The following BACE2 variants were observed in gnomAD, a reference collection of about 807,000 sequenced individuals.
BACE2 encodes the protein beta-secretase 2.
BACE2 carries 17 observed loss-of-function variants against 46.2 expected under a neutral mutation model. That is an observed-to-expected ratio of 0.37 (90% confidence interval 0.25 to 0.55). The LOEUF (loss-of-function observed/expected upper bound fraction) is 0.55. Ranked by LOEUF, BACE2 falls within the 20% of genes least tolerant of loss-of-function variation. The pLI, the probability that BACE2 is intolerant of heterozygous loss-of-function variation, is 0.82. For synonymous variants in BACE2, 277 were observed against 295.9 expected, an observed-to-expected ratio of 0.94 and a Z score of 0.66; for missense variants, 595 against 698.1, an observed-to-expected ratio of 0.85 and a Z score of 1.66.
chr21:41,217,630 A>C (rs1241448014), intron 1 of BACE2, among the ~76,000 whole-genome samples: 1 of 151,338 alleles, frequency 6.6e-6, no homozygotes, highest in African/African-American at 2.5e-5. Flanking sequence ...GGTGCTGGAC[A>C]CGTTGTACTT....
intron 1 of BACE2, among the ~76,000 whole-genome samples, chr21:41,197,086 C>T (rs1488122998): frequency 3.3e-5 from 5 of 152,052 alleles, no homozygotes; most frequent in African/African-American, 7.3e-5. Context: ...CTCAGCCTCC[C>T]GAGTAGCTGG....
intron 6 of BACE2, among the ~76,000 whole-genome samples, chr21:41,247,662 G>A (rs903485304): frequency 8.5e-5 from 13 of 152,226 alleles, no homozygotes; most frequent in African/African-American, 3.1e-4. Flanking sequence ...GCGGGGCGGC[G>A]GGGCCGTGGG....
intron 1 of BACE2, among the ~76,000 whole-genome samples, chr21:41,209,078 G>A (rs1290227502): frequency 1.3e-5 from 2 of 152,210 alleles, no homozygotes; most frequent in African/African-American, 4.8e-5. Context: ...TCCACCCTGG[G>A]TTGCAGCCCA....
chr21:41,228,703 C>A (rs966276357), intron 2 of BACE2, among the ~76,000 whole-genome samples: 1 of 152,208 alleles, frequency 6.6e-6, no homozygotes, highest in African/African-American at 2.4e-5. Flanking sequence ...TACGCAAACA[C>A]TTTCCACCAG....
At position 41,179,699 on chromosome 21, in the gene BACE2, G is replaced by A. The variant is rs16998089; in HGVS notation, c.312+11124G>A. On this transcript the variant is annotated intron_variant, in intron 1 of 8. Coordinates refer to ENST00000330333, the MANE Select transcript of BACE2 (RefSeq NM_012105.5). ...GCCTTACAAAGAATGTGAAAACATT[G>A]TGCTTCCCTGCTTACAGGCAATTAA... is the stretch of plus-strand genomic sequence containing the variant. 0.053 allele frequency: 67,600 copies of A among 1,283,108 alleles called. 13,423 individuals carry two copies. The African/African-American group carries it at 0.62, about 12-fold the overall frequency. 79.5% of individuals were successfully genotyped at this position (1,283,108 alleles called of 1,614,324 possible).
chr21:41,236,287 C>T (rs1375649180), intron 2 of BACE2, among the ~76,000 whole-genome samples: 2 of 152,182 alleles, frequency 1.3e-5, no homozygotes, highest in Non-Finnish European at 2.9e-5. Context: ...TCACTGTCTT[C>T]ATTCAGGTCT....
chr21:41,274,147 A>T (rs926158473), intron 8 of BACE2, among the ~76,000 whole-genome samples: 1 of 151,702 alleles, frequency 6.6e-6, no homozygotes, highest in Non-Finnish European at 1.5e-5. Context: ...GGGAGTATAG[A>T]TTGACTGCAG....
intron 7 of BACE2, among the ~76,000 whole-genome samples, chr21:41,253,123 C>T (rs1987686590): frequency 2.0e-5 from 3 of 152,198 alleles, no homozygotes; most frequent in South Asian, 2.1e-4. Context: ...GCTATGTTTT[C>T]AGCATCTTTA....
At chr21:41,220,093 A>AT (rs1450431695) in intron 1 of BACE2, among the ~76,000 whole-genome samples, 1 of 152,126 alleles carries the variant, frequency 6.6e-6, no homozygotes, top group Non-Finnish European at 1.5e-5. Flanking sequence ...AATTTGCTAG[A>AT]TTTACTCACA....
intron 8 of BACE2, among the ~76,000 whole-genome samples, chr21:41,263,877 C>G (rs1477987099): frequency 6.6e-6 from 1 of 152,248 alleles, no homozygotes; most frequent in African/African-American, 2.4e-5. Flanking sequence ...TCTGACAACT[C>G]ATGACTTTTG....
intron 1 of BACE2, among the ~76,000 whole-genome samples, chr21:41,211,951 C>T (rs931643476): frequency 6.6e-6 from 1 of 152,212 alleles, no homozygotes; most frequent in South Asian, 2.1e-4. Flanking sequence ...TAGGTTTCAT[C>T]CAGGTGGCAG....
intron 8 of BACE2, 88 bp downstream of exon 8, chr21:41,257,414 C>G (rs1987821499): frequency 7.1e-7 from 1 of 1,408,152 alleles, no homozygotes; most frequent in Non-Finnish European, 9.7e-7. Flanking sequence ...GATGGCAACT[C>G]AATTACCATT....
At chr21:41,203,607 G>A (rs1464790505) in intron 1 of BACE2, among the ~76,000 whole-genome samples, 1 of 152,180 alleles carries the variant, frequency 6.6e-6, no homozygotes, top group Non-Finnish European at 1.5e-5. Flanking sequence ...TGCAGCAGCT[G>A]ATCATGCCTC....
At chr21:41,251,007 C>A in intron 7 of BACE2, 106 bp downstream of exon 7, 1 of 1,133,650 alleles carries the variant, frequency 8.8e-7, no homozygotes, top group Non-Finnish European at 1.3e-6. Flanking sequence ...TCTCTATCAC[C>A]ACAATAATGC....
rs1987825716 is a variant in BACE2, at chr21:41,257,597, T to C, written c.1303+271T>C. 3.3e-5 allele frequency among the ~76,000 whole-genome samples: 5 copies of C among 152,196 alleles called. 1 individual carries two copies. The South Asian group carries it at 1.0e-3, about 31-fold the overall frequency. On this transcript the variant is annotated intron_variant, in intron 8 of 8. Coordinates refer to ENST00000330333, the MANE Select transcript of BACE2 (RefSeq NM_012105.5). ...AGTCACTAGGAGTAAAAATATGCCG[T>C]GAAACCTTGGAGTTGAATTGCAATT...
intron 8 of BACE2, among the ~76,000 whole-genome samples, chr21:41,268,800 T>G (rs1010217180): frequency 6.7e-6 from 1 of 148,310 alleles, no homozygotes; most frequent in Admixed American, 7.2e-5. Context: ...TTTTATTGGG[T>G]TTTTTTGCAT....
chr21:41,214,930 G>C (rs186903741), intron 1 of BACE2, among the ~76,000 whole-genome samples: 3 of 152,152 alleles, frequency 2.0e-5, no homozygotes, highest in African/African-American at 4.8e-5. Flanking sequence ...GAAGAGGTAT[G>C]GGGGGAGGGC....
At position 41,176,321 on chromosome 21, in the gene BACE2, C is replaced by T. The variant is rs1291219766; in HGVS notation, c.312+7746C>T. The T allele has an allele frequency of 2.0e-5, 3 of 152,316 alleles. No homozygotes were observed. In the South Asian group the frequency reaches 6.2e-4, roughly 32 times the overall value. 9.4% of individuals were successfully genotyped at this position (152,316 alleles called of 1,614,324 possible). The stretch of plus-strand genomic sequence containing the variant: ...CAGGTCACACTTGGAGTCGTTGCTT[C>T]TTTCCCCAAACCAGCTGCCGATGGT... On this transcript the variant is annotated intron_variant, in intron 1 of 8. Coordinates refer to ENST00000330333, the MANE Select transcript of BACE2 (RefSeq NM_012105.5).
rs554499409 is a variant in BACE2, at chr21:41,278,464, T to A, written c.*2840T>A. 1 of 152,236 alleles carries A rather than the reference T, an allele frequency of 6.6e-6. No individual in the cohort carries two copies. The highest frequency in any genetic ancestry group is 6.5e-5 in the Admixed American group (1 of 15,282). 9.4% of individuals were successfully genotyped at this position (152,236 alleles called of 1,614,324 possible). On this transcript the variant is annotated 3_prime_UTR_variant, in exon 9 of 9. Transcript: ENST00000330333. ...AAGTACTTAGCACTCAAGAAACAGA[T>A]GCCCTGTGTGTGACCGAGGGGAGTG...
Sources: gnomAD v4.1 joint callset for allele counts (sites outside exome capture counted in the v4.1 genomes callset) on GRCh38, gnomAD v4.1.1 for gene constraint, MANE v1.5 for transcripts, NCBI Gene and HGNC (gene_info 2026-07-23, HGNC 2026-07-21) for gene names.